The following ENPP3 variants were observed in gnomAD, a reference collection of about 807,000 sequenced individuals.
ENPP3 encodes ectonucleotide pyrophosphatase/phosphodiesterase 3.
ENPP3 carries 104 observed loss-of-function variants against 117.8 expected under a neutral mutation model. The ratio of observed to expected loss-of-function variants is 0.88; its 90% CI spans 0.75 to 1.04. ENPP3 has a LOEUF of 1.04. Ranked by LOEUF, ENPP3 falls within the 50% of genes least tolerant of loss-of-function variation. The pLI is 0.00. For synonymous variants in ENPP3, 380 were observed against 349.9 expected (o/e 1.09, Z -0.96); for missense variants, 1,026 against 1,051.9 (o/e 0.98, Z 0.34).
At chr6:131,690,569 G>A (rs1198551460) in intron 14 of ENPP3, among the ~76,000 whole-genome samples, 1 of 152,204 alleles carries the variant, frequency 6.6e-6, no homozygotes, top group African/African-American at 2.4e-5. Context: ...CAATTCATAT[G>A]ACTTGCTTTA....
At chr6:131,670,318 T>C (rs1778711133) in intron 6 of ENPP3, among the ~76,000 whole-genome samples, 1 of 152,210 alleles carries the variant, frequency 6.6e-6, no homozygotes, top group Admixed American at 6.5e-5. Context: ...AACTATCAGC[T>C]AGATGCCAAT....
At chr6:131,741,315 A>G (rs576465585) in intron 24 of ENPP3, among the ~76,000 whole-genome samples, 1 of 152,316 alleles carries the variant, frequency 6.6e-6, no homozygotes, top group East Asian at 1.9e-4. Context: ...GCTTTTAAAG[A>G]GTTCATATAC....
rs2021744 is a variant in ENPP3, at chr6:131,723,827, T to A, written c.1747-213T>A. On this transcript the variant is annotated intron_variant, in intron 18 of 24. Coordinates refer to ENST00000357639, the MANE Select transcript of ENPP3 (RefSeq NM_005021.5). ...TTCTCTCTCTCTCTCTCTCTCTCTCTCACACACACACACACACACACACAC... is the reference window on the plus strand; with the variant it reads ...TTCTCTCTCTCTCTCTCTCTCTCTCACACACACACACACACACACACACAC... Among the ~76,000 whole-genome samples, 1,853 of 145,858 alleles carry A rather than the reference T, an allele frequency of 0.013. 29 individuals are homozygous for A. Among genetic ancestry groups the A allele is most frequent in the African/African-American group, 0.033 (1,271 of 38,534 alleles).
At chr6:131,643,713 G>T (rs1398229876) in intron 2 of ENPP3, among the ~76,000 whole-genome samples, 1 of 152,068 alleles carries the variant, frequency 6.6e-6, no homozygotes, top group Non-Finnish European at 1.5e-5. Context: ...TTACCGTCAT[G>T]ACTACACGTA....
At chr6:131,744,990 G>A (rs970169014) in intron 24 of ENPP3, among the ~76,000 whole-genome samples, 16 of 152,114 alleles carry the variant, frequency 1.1e-4, no homozygotes, top group African/African-American at 3.4e-4. Context: ...CTGAAGTATC[G>A]TCTCTGCATA....
At chr6:131,679,003 TTCCTTCCTTCCTTCCTTCC>T (rs1778949294) in intron 11 of ENPP3, among the ~76,000 whole-genome samples, 1 of 77,482 alleles carries the variant, frequency 1.3e-5, no homozygotes, top group African/African-American at 5.5e-5. Flanking sequence ...CCTTCCTTGC[TTCCTTCCTTCCTTCCTTCC>T]TTCCTTCTTT....
intron 14 of ENPP3, among the ~76,000 whole-genome samples, chr6:131,686,903 C>G (rs1779165337): frequency 6.6e-6 from 1 of 152,164 alleles, no homozygotes; most frequent in Non-Finnish European, 1.5e-5. Context: ...TTTTCTTTAT[C>G]CAATATACCA....
chr6:131,737,531 A>C, intron 22 of ENPP3, 99 bp downstream of exon 22: 3 of 701,862 alleles, frequency 4.3e-6, no homozygotes, highest in Middle Eastern at 8.3e-4. Context: ...TGTTCCTGAT[A>C]TTAAGGGTCA....
At chr6:131,657,485 G>T (rs1267356115) in intron 5 of ENPP3, among the ~76,000 whole-genome samples, 2 of 152,158 alleles carry the variant, frequency 1.3e-5, no homozygotes, top group African/African-American at 4.8e-5. Flanking sequence ...AGTGCCTATG[G>T]ACAGTAGAAT....
At chr6:131,689,703 A>G (rs1779235926) in intron 14 of ENPP3, among the ~76,000 whole-genome samples, 1 of 152,244 alleles carries the variant, frequency 6.6e-6, no homozygotes, top group Non-Finnish European at 1.5e-5. Flanking sequence ...TCTTTAAGAA[A>G]TACATTTCAT....
chr6:131,735,210 C>T (rs1258078666), intron 21 of ENPP3, among the ~76,000 whole-genome samples: 1 of 151,850 alleles, frequency 6.6e-6, no homozygotes, highest in Non-Finnish European at 1.5e-5. Context: ...AAATTAAACT[C>T]TCTTCTAACT....
rs1034907169 is a variant in ENPP3 at position 131,661,165 on chromosome 6, T to C, written c.562+2745T>C. 6.8e-4 allele frequency among the ~76,000 whole-genome samples: 104 copies of C among 152,310 alleles called. 2 individuals carry two copies. Among genetic ancestry groups the C allele is most frequent in the Non-Finnish European group, 4.0e-4 (27 of 68,022 alleles). Reference sequence around the variant, plus strand: ...TAGATTGTTACCACATCTTGGCTCTTATGAGTAGTGCTTCAGTGAACATGG... The same window carrying C: ...TAGATTGTTACCACATCTTGGCTCTCATGAGTAGTGCTTCAGTGAACATGG... On this transcript the variant is annotated intron_variant, in intron 6 of 24. Transcript: ENST00000357639.
intron 2 of ENPP3, among the ~76,000 whole-genome samples, chr6:131,646,908 TTTTTGTGAAA>T (rs1331246070): frequency 6.6e-6 from 1 of 152,052 alleles, no homozygotes; most frequent in Non-Finnish European, 1.5e-5. Context: ...TTTCCTCTTC[TTTTTGTGAAA>T]TTTTGTGGAA....
intron 2 of ENPP3, among the ~76,000 whole-genome samples, chr6:131,648,373 G>A (rs1318496758): frequency 2.6e-5 from 4 of 151,732 alleles, no homozygotes; most frequent in Non-Finnish European, 1.5e-5. Flanking sequence ...GTTTTGATAA[G>A]CACCTAAAAT....
Position 131,637,395 on chromosome 6 carries a change from C to A in ENPP3, c.11C>A (p.Thr4Lys). 1 of 1,595,366 alleles carries A rather than the reference C, an allele frequency of 6.3e-7. No individual in the cohort carries two copies. The highest frequency in any genetic ancestry group is 8.5e-7 in the Non-Finnish European group (1 of 1,170,818). MESTLTLATEQPVK... is the reference protein window; with the variant it reads MESKLTLATEQPVK... The stretch of plus-strand genomic sequence containing the variant: ...GCAGCTACCAGGACAATGGAATCTA[C>A]GTTGACTTTAGCAACGGAACAACCT... The change falls in exon 1 of 25, where the codon ACG becomes AAG. Residue 4 changes from threonine to lysine, a missense_variant. Thr to Lys is a moderately conservative substitution (Grantham distance 78, BLOSUM62 -1). Transcript: ENST00000357639.
At chr6:131,673,770 A>G (rs1778802206) in intron 7 of ENPP3, among the ~76,000 whole-genome samples, 1 of 152,158 alleles carries the variant, frequency 6.6e-6, no homozygotes, top group African/African-American at 2.4e-5. Flanking sequence ...TCTGTACTGA[A>G]CATGTACAGA....
intron 1 of ENPP3, among the ~76,000 whole-genome samples, chr6:131,639,348 G>GGCTT (rs1340038488): frequency 6.9e-6 from 1 of 145,888 alleles, no homozygotes; most frequent in African/African-American, 2.5e-5. Flanking sequence ...GCATGATCAT[G>GGCTT]GCTTGCTGCA....
At chr6:131,652,438 C>A in intron 3 of ENPP3, 104 bp from the exon 4 acceptor site, 1 of 1,207,248 alleles carries the variant, frequency 8.3e-7, no homozygotes, top group Non-Finnish European at 1.2e-6. Context: ...ACAGATAAAC[C>A]AAGAATTTGA....
chr6:131,724,416 G>A (rs1001373732), intron 19 of ENPP3, among the ~76,000 whole-genome samples: 3 of 152,106 alleles, frequency 2.0e-5, no homozygotes, highest in African/African-American at 7.2e-5. Flanking sequence ...TCCTGGCTGT[G>A]TGAGCTGGGG....
Sources: allele counts gnomAD v4.1 joint callset (sites outside exome capture counted in the v4.1 genomes callset), GRCh38; gene constraint gnomAD v4.1.1; transcripts MANE v1.5; gene names NCBI Gene and HGNC (gene_info 2026-07-23, HGNC 2026-07-21).